Variants in TMEM132D observed in about 807,000 individuals in gnomAD.
The protein encoded by TMEM132D is transmembrane protein 132D.
In TMEM132D, 21 loss-of-function variants were observed where a neutral mutation model predicts 62.3. The observed-to-expected ratio is 0.34, with a 90% CI of 0.24 to 0.49. The LOEUF is 0.49. Ranked by LOEUF, TMEM132D falls within the 20% of genes least tolerant of loss-of-function variation. The pLI is 0.99. For synonymous variants in TMEM132D, 621 were observed against 575.6 expected, an observed-to-expected ratio of 1.08 and a Z score of -1.13; for missense variants, 1,346 against 1,402.8, an observed-to-expected ratio of 0.96 and a Z score of 0.65.
intron 3 of TMEM132D, among the ~76,000 whole-genome samples, chr12:129,395,999 T>C (rs1871419167): frequency 1.4e-5 from 2 of 147,220 alleles, no homozygotes; most frequent in East Asian, 1.9e-4. Context: ...ATAAAGTATA[T>C]AATATACAGT....
At chr12:129,469,335 C>A (rs548441654) in intron 3 of TMEM132D, among the ~76,000 whole-genome samples, 3 of 152,288 alleles carry the variant, frequency 2.0e-5, no homozygotes, top group East Asian at 1.9e-4. Context: ...TCTGTGATAA[C>A]CTTTCTCAAG....
intron 2 of TMEM132D, among the ~76,000 whole-genome samples, chr12:129,680,641 C>T (rs1409701056): frequency 1.3e-5 from 2 of 152,104 alleles, no homozygotes; most frequent in African/African-American, 4.8e-5. Flanking sequence ...ACCCTCATAG[C>T]CAAGTCAGGG....
chr12:129,308,520 A>G (rs889496579), intron 4 of TMEM132D, among the ~76,000 whole-genome samples: 1 of 152,240 alleles, frequency 6.6e-6, no homozygotes, highest in Non-Finnish European at 1.5e-5. Context: ...ACTTTGGCCA[A>G]CGTTTCAATA....
intron 5 of TMEM132D, among the ~76,000 whole-genome samples, chr12:129,196,792 A>C (rs1048764398): frequency 1.3e-5 from 2 of 152,226 alleles, no homozygotes; most frequent in African/African-American, 4.8e-5. Flanking sequence ...TCATTATGAC[A>C]AAAATTTCCA....
intron 3 of TMEM132D, among the ~76,000 whole-genome samples, chr12:129,465,931 C>T (rs1452194853): frequency 2.0e-5 from 3 of 152,178 alleles, no homozygotes; most frequent in African/African-American, 7.2e-5. Flanking sequence ...GATCCACCTG[C>T]CTCAGCCTCC....
intron 5 of TMEM132D, among the ~76,000 whole-genome samples, chr12:129,127,057 G>T (rs562716296): frequency 6.6e-6 from 1 of 152,188 alleles, no homozygotes; most frequent in Non-Finnish European, 1.5e-5. Context: ...TTTGTGCCAA[G>T]GAATGACAGA....
intron 3 of TMEM132D, among the ~76,000 whole-genome samples, chr12:129,529,900 T>A (rs1876165703): frequency 6.6e-6 from 1 of 152,242 alleles, no homozygotes; most frequent in South Asian, 2.1e-4. Context: ...TTTGTGTATC[T>A]ATAAGTTCAC....
At chr12:129,461,541 T>C (rs2135732729) in intron 3 of TMEM132D, among the ~76,000 whole-genome samples, 1 of 152,250 alleles carries the variant, frequency 6.6e-6, no homozygotes, top group Admixed American at 6.5e-5. Context: ...ATGAATAGAC[T>C]GATCTAGGAT....
intron 4 of TMEM132D, among the ~76,000 whole-genome samples, chr12:129,267,082 C>A: frequency 1.3e-5 from 2 of 152,178 alleles, no homozygotes; most frequent in Non-Finnish European, 2.9e-5. Context: ...GGGCTGGTGC[C>A]ATTTCATCCC....
At chr12:129,538,697 T>C (rs956677016) in intron 2 of TMEM132D, among the ~76,000 whole-genome samples, 4 of 152,260 alleles carry the variant, frequency 2.6e-5, no homozygotes, top group Non-Finnish European at 5.9e-5. Flanking sequence ...TCTCTCAAAA[T>C]ACCTTCTTGC....
intron 3 of TMEM132D, among the ~76,000 whole-genome samples, chr12:129,428,523 C>A (rs1305133272): frequency 1.3e-5 from 2 of 152,186 alleles, no homozygotes; most frequent in African/African-American, 2.4e-5. Flanking sequence ...TTCACCACTA[C>A]GTATGCTGGA....
Position 129,371,007 on chromosome 12 carries a change from C to CA in TMEM132D, c.1116-33191dup, listed in dbSNP as rs370298770. 3.3e-5 allele frequency among the ~76,000 whole-genome samples: 5 copies of CA among 152,020 alleles called. No homozygotes were observed. Among genetic ancestry groups the CA allele is most frequent in the Admixed American group, 6.6e-5 (1 of 15,262 alleles). On this transcript the variant is annotated intron_variant, in intron 3 of 8. Transcript: ENST00000422113. The surrounding 1 kb of genome is among the most constrained non-coding windows in gnomAD (Gnocchi z 4.3). ...GTTAACAATAATTAATTATATGTTA[C>CA]AAAAAAATAGCCATAGGAGAAGAAT...
intron 3 of TMEM132D, among the ~76,000 whole-genome samples, chr12:129,428,657 T>C (rs151188743): frequency 3.3e-5 from 5 of 152,352 alleles, no homozygotes; most frequent in Admixed American, 1.3e-4. Context: ...ATATTCATGG[T>C]AGCTGATATA....
At chr12:129,643,479 G>A (rs544289516) in intron 2 of TMEM132D, among the ~76,000 whole-genome samples, 1 of 152,204 alleles carries the variant, frequency 6.6e-6, no homozygotes, top group Non-Finnish European at 1.5e-5. Flanking sequence ...AGTAGAAACT[G>A]TATACCCTGC....
At chr12:129,401,244 C>T (rs1196937709) in intron 3 of TMEM132D, among the ~76,000 whole-genome samples, 3 of 152,202 alleles carry the variant, frequency 2.0e-5, no homozygotes, top group African/African-American at 7.2e-5. Flanking sequence ...GTTACAGGAC[C>T]ACCCCATATG....
At chr12:129,400,227 G>A (rs1001669743) in intron 3 of TMEM132D, among the ~76,000 whole-genome samples, 4 of 152,022 alleles carry the variant, frequency 2.6e-5, no homozygotes, top group Non-Finnish European at 2.9e-5. Context: ...AAACACAAAC[G>A]GTCAAAACTC....
At chr12:129,115,478 G>A (rs1279340017) in intron 5 of TMEM132D, among the ~76,000 whole-genome samples, 2 of 152,280 alleles carry the variant, frequency 1.3e-5, no homozygotes, top group South Asian at 2.1e-4. Flanking sequence ...TGCAGGCATC[G>A]GGGACTCAGT....
intron 5 of TMEM132D, among the ~76,000 whole-genome samples, chr12:129,103,721 A>T (rs1875391530): frequency 6.6e-6 from 1 of 152,168 alleles, no homozygotes; most frequent in Non-Finnish European, 1.5e-5. Context: ...TCCGTACAAA[A>T]TCACAAGCAT....
At position 129,081,959 on chromosome 12, in the gene TMEM132D, C is replaced by A. The variant is rs775400147; in HGVS notation, c.1723G>T (p.Ala575Ser). The A allele has an allele frequency of 6.2e-7, 1 of 1,614,048 alleles. No homozygotes were observed. The highest frequency in any genetic ancestry group is 2.2e-5 in the East Asian group (1 of 44,864). Residue 575 changes from alanine (A) to serine (S), a missense_variant, in exon 7 of 9, where the codon GCC (alanine) becomes TCC (serine). By Grantham distance (99) the Ala-to-Ser change is moderately conservative (BLOSUM62 1). Coordinates refer to ENST00000422113, the MANE Select transcript of TMEM132D (RefSeq NM_133448.3). The part of the protein sequence containing the change: ...GRGCTLQYQH[A>S]MVRVLTQFVA... ...AACTGCGTCAGGACCCGCACCATGG[C>A]GTGCTGGTACTGCAGGGTGCAGCCG...
Sources: allele counts gnomAD v4.1 joint callset (sites outside exome capture counted in the v4.1 genomes callset), GRCh38; gene constraint gnomAD v4.1.1; non-coding constraint Gnocchi (gnomAD v3.1); transcripts MANE v1.5; gene names NCBI Gene and HGNC (gene_info 2026-07-23, HGNC 2026-07-21).